SSH1: variants seen among roughly 807,000 people sequenced by gnomAD.
SSH1 encodes slingshot protein phosphatase 1, also known as protein phosphatase Slingshot homolog 1.
A neutral mutation model predicts 79.7 loss-of-function variants in SSH1; 43 were observed. The observed-to-expected ratio is 0.54, with a 90% CI of 0.42 to 0.70. The LOEUF (loss-of-function observed/expected upper bound fraction) is 0.70. SSH1 is among the 30% of genes least tolerant of loss of function. The probability of loss-of-function intolerance (pLI) is 0.00; values close to 1 mark genes in which losing one functional copy is unlikely to be tolerated. For missense variants in SSH1, 1,206 were observed against 1,358.8 expected, an observed-to-expected ratio of 0.89 and a Z score of 1.77; for synonymous variants, 599 against 538.3, an observed-to-expected ratio of 1.11 and a Z score of -1.56.
chr12:108,857,465 G>A lies in SSH1; in HGVS notation c.32C>T (p.Thr11Met). MALVTLQRSP[T>M]PSAASSSASN... ...GGCCGAGGAGGAGGCGGCGCTGGGCGTGGGCGAGCGCTGCAGGGTCACCAG... is the reference window on the plus strand; with the variant it reads ...GGCCGAGGAGGAGGCGGCGCTGGGCATGGGCGAGCGCTGCAGGGTCACCAG... The change falls in exon 1 of 15, where the codon ACG becomes ATG. Residue 11 changes from threonine to methionine, a missense_variant. By Grantham distance (81) the Thr-to-Met change is moderately conservative. This residue lies in a region of SSH1 where 100 missense variants were observed against 82.3 expected (regional missense o/e 1.21). Coordinates refer to ENST00000326495, the MANE Select transcript of SSH1 (RefSeq NM_018984.4). This position sits in a 1 kb window ranked among gnomAD's most constrained non-coding sequence, Gnocchi z 4.7. 4 of 1,129,432 alleles carry A rather than the reference G, an allele frequency of 3.5e-6. No individual in the cohort carries two copies. The highest frequency in any genetic ancestry group is 3.7e-5 in the South Asian group (2 of 54,754). 70.0% of individuals were successfully genotyped at this position (1,129,432 alleles called of 1,614,324 possible). A position where few individuals can be genotyped will look rare whatever the true frequency, so the allele number is the denominator to read the frequency against.
rs2036174368 is a variant in SSH1 at position 108,783,089 on chromosome 12, GA to G, written c.*4898del. 6.6e-6 allele frequency: 1 copy of G among 152,258 alleles called. No homozygotes were observed. The highest frequency in any genetic ancestry group is 2.4e-5 in the African/African-American group (1 of 41,474). The allele number at this position is 152,258 out of a possible 1,614,324, so 9.4% of individuals were successfully genotyped here. ...AGAAGAGTATGATTGTGTGACTGGGGAATGGGCAGGTGCTGGACTCTGGTGC... is the reference window on the plus strand; with the variant it reads ...AGAAGAGTATGATTGTGTGACTGGGGATGGGCAGGTGCTGGACTCTGGTGC... On this transcript the variant is annotated 3_prime_UTR_variant, in exon 15 of 15. Coordinates refer to ENST00000326495, the MANE Select transcript of SSH1 (RefSeq NM_018984.4).
intron 14 of SSH1, among the ~76,000 whole-genome samples, chr12:108,790,211 C>A (rs1425651575): frequency 6.6e-6 from 1 of 151,376 alleles, no homozygotes; most frequent in Non-Finnish European, 1.5e-5. Flanking sequence ...AGTGCAATTG[C>A]GTGATCTTGT....
rs1203964983 is a variant in SSH1 at position 108,795,262 on chromosome 12, CTT to C, written c.1350-2435_1350-2434del. ...CTATTGGGTGGGTATTCTTTAAAAA[CTT>C]TTTTTTTTTTGGAGGTGAAGTCTCA... On this transcript the variant is annotated intron_variant, in intron 13 of 14. Transcript: ENST00000326495. Among the ~76,000 whole-genome samples, 4 of 146,654 alleles carry C rather than the reference CTT, an allele frequency of 2.7e-5. No homozygotes were observed. In the East Asian group the frequency reaches 7.9e-4, roughly 29 times the overall value.
intron 10 of SSH1, among the ~76,000 whole-genome samples, chr12:108,803,695 G>A (rs1454982253): frequency 1.3e-5 from 2 of 152,180 alleles, no homozygotes; most frequent in Non-Finnish European, 2.9e-5. Context: ...TGCTGTGACT[G>A]CCACCTAGTG....
Position 108,788,710 on chromosome 12 carries a change from G to C in SSH1, c.2428C>G (p.Gln810Glu). 1 of 1,614,224 alleles carries C rather than the reference G, an allele frequency of 6.2e-7. No homozygotes were observed. Among genetic ancestry groups the C allele is most frequent in the Non-Finnish European group, 8.5e-7 (1 of 1,180,050 alleles). ...PTTNSYLMQH[Q>E]ESIIQLQKAG... ...TTCTGCAGCTGAATGATGGACTCCTGGTGCTGCATCAGGTAGCTGTTGGTT... is the reference window on the plus strand; with the variant it reads ...TTCTGCAGCTGAATGATGGACTCCTCGTGCTGCATCAGGTAGCTGTTGGTT... Residue 810 changes from glutamine (Q) to glutamate (E), a missense_variant, in exon 15 of 15, where the codon CAG becomes GAG. Gln to Glu is a conservative substitution (Grantham distance 29). Around this residue, in one of 5 missense-constraint regions of SSH1, gnomAD observed 709 missense variants for 730.6 expected, o/e 0.97. Coordinates refer to ENST00000326495, the MANE Select transcript of SSH1 (RefSeq NM_018984.4).
chr12:108,788,671 G>C lies in SSH1; in HGVS notation c.2467C>G (p.Arg823Gly). ...CGCTCTAGCTCTTTGGTGTGCTTGCGGACCAAGCCTGCCTTCTGCAGCTGA... is the reference window on the plus strand; with the variant it reads ...CGCTCTAGCTCTTTGGTGTGCTTGCCGACCAAGCCTGCCTTCTGCAGCTGA... ...IIQLQKAGLV[R>G]KHTKELERLK... is the part of the protein sequence containing the mutation. The change falls in exon 15 of 15, where the codon CGC (arginine) becomes GGC (glycine). Residue 823 changes from arginine (R) to glycine (G), a missense_variant. By Grantham distance (125) the Arg-to-Gly change is moderately radical (BLOSUM62 -2). Around this residue, in one of 5 missense-constraint regions of SSH1, gnomAD observed 709 missense variants for 730.6 expected, o/e 0.97. Transcript: ENST00000326495. The C allele has an allele frequency of 6.2e-7, 1 of 1,614,054 alleles. No homozygotes were observed. Among genetic ancestry groups the C allele is most frequent in the Non-Finnish European group, 8.5e-7 (1 of 1,180,034 alleles).
At position 108,807,162 on chromosome 12, in the gene SSH1, A is replaced by T. The variant is rs1197949903; in HGVS notation, c.731+471T>A. On this transcript the variant is annotated intron_variant, in intron 8 of 14. Transcript: ENST00000326495. The surrounding 1 kb of genome is among the most constrained non-coding windows in gnomAD (Gnocchi z 5.2). ...TCACACGACACAGGTCATGTGGTTC[A>T]CCATGGCTGCTGCTAAGGCAGGCTG... Among the ~76,000 whole-genome samples the T allele has an allele frequency of 6.6e-6, 1 of 152,190 alleles. No individual in the cohort carries two copies. Among genetic ancestry groups the T allele is most frequent in the East Asian group, 1.9e-4 (1 of 5,176 alleles).
intron 11 of SSH1, among the ~76,000 whole-genome samples, 197 bp from the exon 12 acceptor site, chr12:108,801,123 G>A (rs1040553375): frequency 3.9e-5 from 6 of 152,140 alleles, no homozygotes; most frequent in Non-Finnish European, 8.8e-5. Flanking sequence ...GTGAAAATGT[G>A]TTATATTTAT....
chr12:108,820,590 T>C (rs1033944684), intron 3 of SSH1, among the ~76,000 whole-genome samples: 2 of 152,118 alleles, frequency 1.3e-5, no homozygotes, highest in African/African-American at 2.4e-5. Flanking sequence ...CAGACAGAAA[T>C]CCAAACCCCA....
In SSH1 at chr12:108,792,581, T is replaced by C. The variant is rs768030188; in HGVS notation, c.1598A>G (p.Glu533Gly). The change falls in exon 14 of 15, where the codon GAG becomes GGG. Residue 533 changes from glutamate (E) to glycine (G), a missense_variant. By Grantham distance (98) the Glu-to-Gly change is moderately conservative (BLOSUM62 -2). Around this residue, in one of 5 missense-constraint regions of SSH1, gnomAD observed 709 missense variants for 730.6 expected, o/e 0.97. Coordinates refer to ENST00000326495, the MANE Select transcript of SSH1 (RefSeq NM_018984.4). ...CAACAGAGCCTCCCTCTCCGGATCC[T>C]CCAGGTGGACCAAGCTGCCAGTTTC... ...EDETGSLVHL[E>G]DPEREALLEE... is the part of the protein sequence containing the mutation. 6.2e-7 allele frequency: 1 copy of C among 1,613,238 alleles called. No individual in the cohort carries two copies. Among genetic ancestry groups the C allele is most frequent in the East Asian group, 2.2e-5 (1 of 44,868 alleles).
At chr12:108,793,144 G>T (rs954969940) in intron 13 of SSH1, among the ~76,000 whole-genome samples, 4 of 152,158 alleles carry the variant, frequency 2.6e-5, no homozygotes. Context: ...ATGCCTCATT[G>T]TCACGTCAGT....
intron 14 of SSH1, among the ~76,000 whole-genome samples, chr12:108,791,133 G>A (rs117323718): frequency 2.2e-3 from 338 of 152,212 alleles, no homozygotes; most frequent in Non-Finnish European, 2.6e-3. Flanking sequence ...GTTTTTAGAC[G>A]GAGTCTCGCT....
intron 2 of SSH1, among the ~76,000 whole-genome samples, chr12:108,841,764 G>A (rs1033544619): frequency 6.6e-6 from 1 of 151,640 alleles, no homozygotes; most frequent in Non-Finnish European, 1.5e-5. Flanking sequence ...AGCCAAGATC[G>A]TGCCACTGCA....
chr12:108,824,464 A>AAAG (rs2038239968), intron 2 of SSH1, among the ~76,000 whole-genome samples: 4 of 151,256 alleles, frequency 2.6e-5, no homozygotes, highest in African/African-American at 2.4e-5. Flanking sequence ...CAAAAAAAAA[A>AAAG]AAAGAAAGAA....
At chr12:108,792,262 C>T (rs755938861) in intron 14 of SSH1, 24 bp downstream of exon 14, 1 of 1,614,112 alleles carries the variant, frequency 6.2e-7, no homozygotes. Context: ...GGGTGTGCCA[C>T]CCTGCAGGCC....
chr12:108,841,016 C>G (rs775899219), intron 2 of SSH1, among the ~76,000 whole-genome samples: 33 of 152,336 alleles, frequency 2.2e-4, no homozygotes, highest in Middle Eastern at 3.4e-3. Context: ...AAACACAGAT[C>G]TAGATTGGTG....
Position 108,857,471 on chromosome 12 carries a change from G to T in SSH1, c.26C>A (p.Ser9Ter). The T allele has an allele frequency of 8.8e-7, 1 of 1,132,858 alleles. No individual in the cohort carries two copies. The highest frequency in any genetic ancestry group is 1.1e-6 in the Non-Finnish European group (1 of 905,424). The allele number at this position is 1,132,858 out of a possible 1,614,324, so 70.2% of individuals were successfully genotyped here. A position where few individuals can be genotyped will look rare whatever the true frequency, so the allele number is the denominator to read the frequency against. Residue 9 changes from serine to a stop codon, truncating the protein, a stop_gained, in exon 1 of 15, where the codon TCG (serine) becomes TAG (stop). Coordinates refer to ENST00000326495, the MANE Select transcript of SSH1 (RefSeq NM_018984.4). LOFTEE classifies it high-confidence loss of function. The surrounding 1 kb of genome is among the most constrained non-coding windows in gnomAD (Gnocchi z 4.7). ...GGAGGAGGCGGCGCTGGGCGTGGGC[G>T]AGCGCTGCAGGGTCACCAGGGCCAT... Reference protein sequence around the residue: MALVTLQRSPTPSAASSSA... With the variant: MALVTLQR
chr12:108,851,435 CTCA>C (rs2039037554), intron 2 of SSH1, among the ~76,000 whole-genome samples: 1 of 152,136 alleles, frequency 6.6e-6, no homozygotes, highest in South Asian at 2.1e-4. Context: ...TTTCCTTCCC[CTCA>C]TGAGATAAAA....
rs151281849 is a variant in SSH1 at position 108,778,263 on chromosome 12, A to C, written c.*9725T>G. Reference sequence around the variant, plus strand: ...GCCCACAAGTTAAACAAACGCACGCATAAGTCCACAGGGGCTCCTTTTCAT... The same window carrying C: ...GCCCACAAGTTAAACAAACGCACGCCTAAGTCCACAGGGGCTCCTTTTCAT... On this transcript the variant is annotated 3_prime_UTR_variant, in exon 15 of 15. Transcript: ENST00000326495. 9 of 152,312 alleles carry C rather than the reference A, an allele frequency of 5.9e-5. No individual in the cohort carries two copies. Among genetic ancestry groups the C allele is most frequent in the African/African-American group, 2.2e-4 (9 of 41,556 alleles). The allele number at this position is 152,312 out of a possible 1,614,324, so 9.4% of individuals were successfully genotyped here.
Sources: gnomAD v4.1 joint callset for allele counts (sites outside exome capture counted in the v4.1 genomes callset) on GRCh38, gnomAD v4.1.1 for gene constraint, gnomAD v4.1.1 regional missense constraint, Gnocchi (gnomAD v3.1) non-coding constraint, MANE v1.5 for transcripts, NCBI Gene and HGNC (gene_info 2026-07-23, HGNC 2026-07-21) for gene names.